The following VWC2 variants were observed in gnomAD, a reference collection of about 807,000 sequenced individuals.
VWC2 encodes the protein brorin.
VWC2 carries 14 observed loss-of-function variants against 29.8 expected under a neutral mutation model. That is an observed-to-expected ratio of 0.47 (90% CI 0.31 to 0.74). The LOEUF (loss-of-function observed/expected upper bound fraction) is 0.74. Among genes scored for constraint, VWC2 ranks in the 30% least tolerant of loss-of-function variants. VWC2 has a pLI of 0.05. For synonymous variants in VWC2, 213 were observed against 199.0 expected (o/e 1.07, Z -0.59); for missense variants, 457 against 459.8 (o/e 0.99, Z 0.05).
At chr7:49,865,619 A>AT (rs1790852613) in intron 3 of VWC2, among the ~76,000 whole-genome samples, 1 of 152,178 alleles carries the variant, frequency 6.6e-6, no homozygotes, top group Non-Finnish European at 1.5e-5. Flanking sequence ...ATATGCAAGT[A>AT]TTTTTGAGAC....
At chr7:49,880,505 A>C (rs1256451731) in intron 3 of VWC2, among the ~76,000 whole-genome samples, 1 of 151,706 alleles carries the variant, frequency 6.6e-6, no homozygotes, top group Non-Finnish European at 1.5e-5. Flanking sequence ...TCTTTATTAG[A>C]TATCGGGCTA....
chr7:49,789,193 G>A (rs982245732), intron 2 of VWC2, among the ~76,000 whole-genome samples: 1 of 148,772 alleles, frequency 6.7e-6, no homozygotes, highest in Admixed American at 6.7e-5. Flanking sequence ...GTGGGTGCAT[G>A]TGTGAGTGTG....
intron 3 of VWC2, among the ~76,000 whole-genome samples, chr7:49,859,019 A>G (rs2128719425): frequency 6.6e-6 from 1 of 152,250 alleles, no homozygotes; most frequent in Non-Finnish European, 1.5e-5. Context: ...TTGCTATCTG[A>G]TGGTTTTTAG....
chr7:49,787,763 C>G (rs1788332733), intron 2 of VWC2, among the ~76,000 whole-genome samples: 1 of 152,186 alleles, frequency 6.6e-6, no homozygotes, highest in African/African-American at 2.4e-5. Flanking sequence ...AGACAGGCAG[C>G]TGAGGGGTAC....
intron 3 of VWC2, among the ~76,000 whole-genome samples, chr7:49,894,953 A>G (rs1486539673): frequency 6.6e-6 from 1 of 152,214 alleles, no homozygotes; most frequent in Non-Finnish European, 1.5e-5. Flanking sequence ...TAAGGGATGG[A>G]AGATGGCTCT....
At position 49,912,242 on chromosome 7, in the gene VWC2, T is replaced by G. The variant is rs1793496008; in HGVS notation, c.*57T>G. The G allele has an allele frequency of 6.3e-7, 1 of 1,582,444 alleles. No homozygotes were observed. The highest frequency in any genetic ancestry group is 8.6e-7 in the Non-Finnish European group (1 of 1,158,166). ...CTAGAACATTTTACTGATGTGAACA[T>G]TCTAGATGACTCTGGGAACTATCAG... On this transcript the variant is annotated 3_prime_UTR_variant, in exon 4 of 4. Coordinates refer to ENST00000340652, the MANE Select transcript of VWC2 (RefSeq NM_198570.5).
intron 3 of VWC2, among the ~76,000 whole-genome samples, chr7:49,859,798 A>G (rs138765793): frequency 0.15 from 18,856 of 122,642 alleles, 1,370 homozygotes; most frequent in African/African-American, 0.27. Flanking sequence ...GTGCACACAC[A>G]CACACACACA....
chr7:49,802,965 C>G (rs73108844), intron 3 of VWC2, 125 bp downstream of exon 3: 1 of 1,189,552 alleles, frequency 8.4e-7, no homozygotes, highest in Non-Finnish European at 1.2e-6. Flanking sequence ...AATACACATG[C>G]GTACACACGT....
intron 3 of VWC2, among the ~76,000 whole-genome samples, chr7:49,873,111 G>A (rs1791245113): frequency 6.6e-6 from 1 of 152,048 alleles, no homozygotes; most frequent in African/African-American, 2.4e-5. Context: ...ACAAACGAAA[G>A]CAAATTCTTA....
chr7:49,848,666 C>T (rs187266376), intron 3 of VWC2, among the ~76,000 whole-genome samples: 4 of 152,210 alleles, frequency 2.6e-5, no homozygotes, highest in African/African-American at 7.2e-5. Context: ...CATTGACTGT[C>T]GTTTCTCACC....
chr7:49,876,518 A>C (rs1791419814), intron 3 of VWC2, among the ~76,000 whole-genome samples: 2 of 152,176 alleles, frequency 1.3e-5, no homozygotes, highest in Admixed American at 1.3e-4. Flanking sequence ...CTCAAGTTGT[A>C]TTCAGGGATA....
chr7:49,872,536 A>T (rs80293334), intron 3 of VWC2, among the ~76,000 whole-genome samples: 4,212 of 152,154 alleles, frequency 0.028, 163 homozygotes, highest in South Asian at 0.13. Flanking sequence ...TGAAAATTTT[A>T]AGATACACAA....
intron 3 of VWC2, among the ~76,000 whole-genome samples, chr7:49,844,292 G>A (rs1217172554): frequency 1.3e-5 from 2 of 152,134 alleles, no homozygotes; most frequent in Non-Finnish European, 2.9e-5. Flanking sequence ...AACCTTTAAA[G>A]CAATTTAAAA....
At chr7:49,838,600 C>T (rs554589705) in intron 3 of VWC2, among the ~76,000 whole-genome samples, 4 of 151,952 alleles carry the variant, frequency 2.6e-5, no homozygotes, top group African/African-American at 7.2e-5. Flanking sequence ...CATCCTACAG[C>T]GCTTGAGTAG....
chr7:49,774,698 C>T (rs903981396), intron 1 of VWC2, among the ~76,000 whole-genome samples: 1 of 152,220 alleles, frequency 6.6e-6, no homozygotes. Flanking sequence ...ACCCGGCCCT[C>T]TGGCAAGGGG....
At chr7:49,877,481 A>AAATATACATATAT in intron 3 of VWC2, among the ~76,000 whole-genome samples, 1 of 12,722 alleles carries the variant, frequency 7.9e-5, no homozygotes, top group African/African-American at 2.8e-4. Context: ...AAAAAAAAAA[A>AAATATACATATAT]ATATATATAT....
chr7:49,823,262 G>T (rs944040034), intron 3 of VWC2, among the ~76,000 whole-genome samples: 3 of 152,148 alleles, frequency 2.0e-5, no homozygotes, highest in Admixed American at 6.5e-5. Flanking sequence ...ATGAGAAGAG[G>T]CTGCCACTTG....
At position 49,789,353 on chromosome 7, in the gene VWC2, CTGTG is replaced by C. The variant is rs139494830; in HGVS notation, c.696+13233_696+13236del. 9.6e-5 allele frequency among the ~76,000 whole-genome samples: 14 copies of C among 145,630 alleles called. No individual in the cohort carries two copies. The South Asian group carries it at 1.1e-3, about 12-fold the overall frequency. On this transcript the variant is annotated intron_variant, in intron 2 of 3. Coordinates refer to ENST00000340652, the MANE Select transcript of VWC2 (RefSeq NM_198570.5). ...TGGGTGCGTGTGAGTGTATATGTGG[CTGTG>C]TGTGTGTGTGAGTGTGAGTGTGTGT...
At chr7:49,831,345 A>G (rs1020705230) in intron 3 of VWC2, among the ~76,000 whole-genome samples, 3 of 152,138 alleles carry the variant, frequency 2.0e-5, no homozygotes, top group Non-Finnish European at 2.9e-5. Context: ...TTTTTTCTCA[A>G]GCAACTGTAA....
Sources: allele counts gnomAD v4.1 joint callset (sites outside exome capture counted in the v4.1 genomes callset), GRCh38; gene constraint gnomAD v4.1.1; transcripts MANE v1.5; gene names NCBI Gene and HGNC (gene_info 2026-07-23, HGNC 2026-07-21).